Variants in EPM2A observed in about 807,000 individuals in gnomAD.
The protein encoded by EPM2A is laforin.
In EPM2A, 21 loss-of-function variants were observed where a neutral mutation model predicts 26.5. That is an observed-to-expected ratio of 0.79 (90% CI 0.56 to 1.14). The LOEUF is 1.14. Ranked by LOEUF, EPM2A falls within the 50% of genes most tolerant of loss-of-function variation. The pLI, the probability that EPM2A is intolerant of heterozygous loss-of-function variation, is 0.00. For missense variants in EPM2A, 458 were observed against 440.8 expected (o/e 1.04, Z -0.35); for synonymous variants, 217 against 177.6 (o/e 1.22, Z -1.76).
At chr6:145,468,079 T>G (rs1031693637) in intron 4 of EPM2A, among the ~76,000 whole-genome samples, 2 of 152,076 alleles carry the variant, frequency 1.3e-5, no homozygotes, top group Non-Finnish European at 2.9e-5. Context: ...AATACATGTG[T>G]CTGTCCTGTT....
intron 4 of EPM2A, among the ~76,000 whole-genome samples, chr6:145,442,551 T>C (rs1461269557): frequency 1.3e-5 from 2 of 151,244 alleles, no homozygotes; most frequent in Admixed American, 6.6e-5. Context: ...GAGAACAGTA[T>C]GGGGGAAACT....
At chr6:145,573,865 C>T (rs1296129166) in intron 2 of EPM2A, among the ~76,000 whole-genome samples, 1 of 152,162 alleles carries the variant, frequency 6.6e-6, no homozygotes, top group African/African-American at 2.4e-5. Flanking sequence ...ATTACCTGAG[C>T]TCCATAAGCC....
chr6:145,532,852 C>T (rs1013492189), intron 2 of EPM2A, among the ~76,000 whole-genome samples: 1 of 152,142 alleles, frequency 6.6e-6, no homozygotes, highest in Non-Finnish European at 1.5e-5. Context: ...TGCACTTCCT[C>T]GCGAACACCT....
intron 4 of EPM2A, among the ~76,000 whole-genome samples, chr6:145,385,780 C>T (rs1252932143): frequency 2.6e-5 from 4 of 152,040 alleles, no homozygotes; most frequent in African/African-American, 9.7e-5. Context: ...TTTAATTACC[C>T]ATTGCTTTCT....
chr6:145,416,451 T>C (rs2114679494), intron 4 of EPM2A, among the ~76,000 whole-genome samples: 1 of 152,242 alleles, frequency 6.6e-6, no homozygotes, highest in South Asian at 2.1e-4. Flanking sequence ...TAGCTCCAGT[T>C]TTCATGAATT....
chr6:145,489,957 C>T, intron 4 of EPM2A: 2 of 1,374,298 alleles, frequency 1.5e-6, no homozygotes, highest in South Asian at 1.2e-5. Context: ...GCTCTGGAAG[C>T]ACACTCGTGT....
chr6:145,709,953 T>C (rs149529619), intron 1 of EPM2A, among the ~76,000 whole-genome samples: 2,102 of 152,260 alleles, frequency 0.014, 41 homozygotes, highest in African/African-American at 0.047. Context: ...TTACACCTTA[T>C]ACAAAAATTA....
chr6:145,448,281 G>C (rs556162162), intron 4 of EPM2A, among the ~76,000 whole-genome samples: 2 of 152,046 alleles, frequency 1.3e-5, no homozygotes, highest in Admixed American at 1.3e-4. Flanking sequence ...CTCAATACTC[G>C]TGTCTTTAGC....
chr6:145,641,623 C>T (rs1194822960), intron 2 of EPM2A, among the ~76,000 whole-genome samples: 2 of 152,180 alleles, frequency 1.3e-5, no homozygotes, highest in African/African-American at 4.8e-5. Flanking sequence ...ACCAGACGTC[C>T]TTAAAGCATT....
chr6:145,475,298 G>T (rs2114728860), intron 4 of EPM2A, among the ~76,000 whole-genome samples: 1 of 152,252 alleles, frequency 6.6e-6, no homozygotes, highest in Non-Finnish European at 1.5e-5. Flanking sequence ...AAAAAAGGAT[G>T]AGTTCATGTC....
chr6:145,571,803 T>C (rs1292627486), intron 2 of EPM2A, among the ~76,000 whole-genome samples: 1 of 152,130 alleles, frequency 6.6e-6, no homozygotes, highest in East Asian at 1.9e-4. Context: ...CACTGGGCAA[T>C]GACAGGGGTG....
At chr6:145,623,499 G>T (rs536071227), downstream of EPM2A, among the ~76,000 whole-genome samples, 2 of 152,342 alleles carry the variant, frequency 1.3e-5, no homozygotes, top group South Asian at 4.1e-4. Flanking sequence ...AAGAGGGCCA[G>T]TATGGCTAGA....
chr6:145,406,804 C>G (rs1325183946), intron 4 of EPM2A, among the ~76,000 whole-genome samples: 2 of 152,120 alleles, frequency 1.3e-5, no homozygotes, highest in Non-Finnish European at 2.9e-5. Flanking sequence ...ATCAACATCA[C>G]CTGGGAAGTC....
chr6:145,712,683 C>T (rs1171183463), intron 1 of EPM2A, among the ~76,000 whole-genome samples: 2 of 152,260 alleles, frequency 1.3e-5, no homozygotes, highest in Admixed American at 6.5e-5. Flanking sequence ...TTTTGAGACA[C>T]TAGCCAAAGC....
chr6:145,673,163 G>A (rs528402975), intron 2 of EPM2A, among the ~76,000 whole-genome samples: 19 of 151,248 alleles, frequency 1.3e-4, no homozygotes, highest in Admixed American at 1.2e-3. Flanking sequence ...TGTCTCCCTA[G>A]AAATAATCTA....
chr6:145,608,175 A>T (rs1775309871), intron 2 of EPM2A, among the ~76,000 whole-genome samples: 1 of 152,130 alleles, frequency 6.6e-6, no homozygotes, highest in South Asian at 2.1e-4. Flanking sequence ...TCATTGTTCG[A>T]TTTTCTTATT....
intron 4 of EPM2A, among the ~76,000 whole-genome samples, chr6:145,443,074 T>C (rs1018534831): frequency 6.6e-6 from 1 of 152,060 alleles, no homozygotes; most frequent in African/African-American, 2.4e-5. Context: ...GGTTTCACCA[T>C]GTTAGACATG....
chr6:145,627,508 C>T lies in EPM2A; in HGVS notation c.904G>A (p.Ala302Thr), dbSNP rs755742563. Residue 302 changes from alanine to threonine, a missense_variant, in exon 4 of 4, where the codon GCT becomes ACT. Coordinates refer to ENST00000367519, the MANE Select transcript of EPM2A (RefSeq NM_005670.4). ...VQYFLMAKRPAVYIDEEALAR... is the reference protein window; with the variant it reads ...VQYFLMAKRPTVYIDEEALAR... ...AAGGCCTCTTCGTCAATGTAGACAGCCGGCCTCTTGGCCATGAGGAAATAC... is the reference window on the plus strand; with the variant it reads ...AAGGCCTCTTCGTCAATGTAGACAGTCGGCCTCTTGGCCATGAGGAAATAC... 12 of 1,614,266 alleles carry T rather than the reference C, an allele frequency of 7.4e-6. No individual in the cohort carries two copies. In the Admixed American group the frequency reaches 2.0e-4, roughly 27 times the overall value.
At position 145,442,850 on chromosome 6, in the gene EPM2A, T is replaced by C. The variant is rs761832147; in HGVS notation, c.556-58753A>G. Among the ~76,000 whole-genome samples the C allele has an allele frequency of 1.8e-4, 24 of 135,064 alleles. 1 individual carries two copies. The highest frequency in any genetic ancestry group is 7.9e-5 in the Non-Finnish European group (5 of 63,382). 88.6% of individuals were successfully genotyped at this position (135,064 alleles called of 152,430 possible). ...GTTTGAAGTTTCACAAGGTTATTCT[T>C]TGTTCTTTCTTACTATTTTTTTTTT... On this transcript the variant is annotated intron_variant, in intron 4 of 4. Coordinates refer to the EPM2A transcript ENST00000638717.
Sources: allele counts gnomAD v4.1 joint callset (sites outside exome capture counted in the v4.1 genomes callset), GRCh38; gene constraint gnomAD v4.1.1; transcripts MANE v1.5; gene names NCBI Gene and HGNC (gene_info 2026-07-23, HGNC 2026-07-21).